Variants in SIK3 observed in about 807,000 individuals in gnomAD.
The protein encoded by SIK3 is serine/threonine-protein kinase SIK3.
Under a neutral mutation model 144.2 loss-of-function variants are expected in SIK3, and 28 were observed. The ratio of observed to expected loss-of-function variants is 0.19; its 90% CI spans 0.14 to 0.27. SIK3 has a LOEUF of 0.27. Ranked by LOEUF, SIK3 falls within the 10% of genes least tolerant of loss-of-function variation. SIK3 has a pLI of 1.00. For synonymous variants in SIK3, 686 were observed against 676.3 expected, an observed-to-expected ratio of 1.01 and a Z score of -0.22; for missense variants, 1,319 against 1,776.0, an observed-to-expected ratio of 0.74 and a Z score of 4.62.
At chr11:116,891,477 A>G (rs1945106843) in intron 6 of SIK3, among the ~76,000 whole-genome samples, 1 of 152,222 alleles carries the variant, frequency 6.6e-6, no homozygotes, top group African/African-American at 2.4e-5. Context: ...GCTTTTGTTC[A>G]TTTGTATCTA....
At chr11:116,862,574 A>G (rs1943406706) in intron 16 of SIK3, among the ~76,000 whole-genome samples, 1 of 152,242 alleles carries the variant, frequency 6.6e-6, no homozygotes, top group African/African-American at 2.4e-5. Flanking sequence ...GTCCAATGTG[A>G]AATCTGTGTA....
rs550430452 is a variant in SIK3, at chr11:117,098,360, C to T, written c.56G>A (p.Gly19Glu). ...AGGAAGAGTG[G>E]AGPAGRLLPP... The stretch of plus-strand genomic sequence containing the variant: ...CAGCAGGCGGCCCGCGGGCCCGGCT[C>T]CCCCAGTCCCGGCCCCGGCAGCCCC... The change falls in exon 1 of 25, where the codon GGA becomes GAA. Residue 19 changes from glycine (G) to glutamate (E), a missense_variant. Gly to Glu is a moderately conservative substitution (Grantham distance 98, BLOSUM62 -2). This residue lies in a region of SIK3 where 114 missense variants were observed against 116.2 expected (regional missense o/e 0.98). Transcript: ENST00000445177. 6.2e-3 allele frequency: 7,187 copies of T among 1,160,736 alleles called. 23 individuals are homozygous for T. Among genetic ancestry groups the T allele is most frequent in the Non-Finnish European group, 6.6e-3 (6,239 of 945,044 alleles). The allele number at this position is 1,160,736 out of a possible 1,614,324, so 71.9% of individuals were successfully genotyped here. A position where few individuals can be genotyped will look rare whatever the true frequency, so the allele number is the denominator to read the frequency against.
At chr11:117,020,718 G>A (rs746215782) in intron 1 of SIK3, among the ~76,000 whole-genome samples, 3 of 152,126 alleles carry the variant, frequency 2.0e-5, no homozygotes, top group South Asian at 2.1e-4. Context: ...CAGCTCTACC[G>A]GGATGGAAGC....
chr11:116,849,317 C>T lies in SIK3; in HGVS notation c.3656-34G>A, dbSNP rs773096807. Reference sequence around the variant, plus strand: ...ACACAGCAGAATAGAGTCAGTGGGGCGGAACTTCTCCCAGCACTGGAAACT... The same window carrying T: ...ACACAGCAGAATAGAGTCAGTGGGGTGGAACTTCTCCCAGCACTGGAAACT... On this transcript the variant is annotated intron_variant, in intron 21 of 24. Transcript: ENST00000445177. This position sits in a 1 kb window ranked among gnomAD's most constrained non-coding sequence, Gnocchi z 4.2. 8.1e-6 allele frequency: 13 copies of T among 1,612,206 alleles called. No individual in the cohort carries two copies. Among genetic ancestry groups the T allele is most frequent in the South Asian group, 4.4e-5 (4 of 90,962 alleles).
At chr11:117,042,789 T>C (rs1221259849) in intron 1 of SIK3, among the ~76,000 whole-genome samples, 2 of 152,316 alleles carry the variant, frequency 1.3e-5, no homozygotes, top group African/African-American at 2.4e-5. Context: ...TGAAGGAAAA[T>C]GTTAAGACTC....
rs770023275 is a variant in SIK3 at position 116,873,923 on chromosome 11, T to C, written c.1561A>G (p.Thr521Ala). 5.6e-6 allele frequency: 9 copies of C among 1,612,790 alleles called. No homozygotes were observed. The highest frequency in any genetic ancestry group is 2.2e-5 in the East Asian group (1 of 44,858). Residue 521 changes from threonine to alanine, a missense_variant, in exon 12 of 25, where the codon ACC (threonine) becomes GCC (alanine). Coordinates refer to ENST00000445177, the MANE Select transcript of SIK3 (RefSeq NM_001366686.3). Reference sequence around the variant, plus strand: ...GGTACCTTGTACTCAAGTTGCCCGGTTGGTTGCAAGTTTTGCATAGGCAAC... The same window carrying C: ...GGTACCTTGTACTCAAGTTGCCCGGCTGGTTGCAAGTTTTGCATAGGCAAC... ...NLLPMQNLQP[T>A]GQLEYKEQSL...
intron 1 of SIK3, among the ~76,000 whole-genome samples, chr11:117,022,803 G>GTTTAAATAT (rs1668104150): frequency 2.0e-5 from 3 of 149,852 alleles, no homozygotes; most frequent in Admixed American, 6.7e-5. Flanking sequence ...TTATCAGATT[G>GTTTAAATAT]TGGAGGGCAA....
chr11:116,954,209 C>A, intron 2 of SIK3, 102 bp from the exon 3 acceptor site: 1 of 844,900 alleles, frequency 1.2e-6, no homozygotes. Flanking sequence ...ATATTAATAA[C>A]CACTATAGAT....
At chr11:116,907,460 A>AAAT (rs1946100436) in intron 4 of SIK3, among the ~76,000 whole-genome samples, 1 of 152,218 alleles carries the variant, frequency 6.6e-6, no homozygotes, top group African/African-American at 2.4e-5. Flanking sequence ...CAGCCTGGCC[A>AAAT]ACACGGCAAA....
intron 4 of SIK3, among the ~76,000 whole-genome samples, chr11:116,902,562 A>G (rs1199388173): frequency 6.6e-6 from 1 of 152,226 alleles, no homozygotes; most frequent in East Asian, 1.9e-4. Flanking sequence ...TGCTTCCACT[A>G]TGTTACATCC....
chr11:117,076,075 C>T (rs1027687729), intron 1 of SIK3, among the ~76,000 whole-genome samples: 1 of 151,854 alleles, frequency 6.6e-6, no homozygotes, highest in Non-Finnish European at 1.5e-5. Context: ...TCTCCAACTC[C>T]TGATCTTAGG....
intron 14 of SIK3, chr11:116,869,666 G>A (rs1943855406): frequency 6.6e-6 from 1 of 152,598 alleles, no homozygotes; most frequent in South Asian, 2.1e-4. Context: ...CTCCCACAAG[G>A]GGGCATGCAT....
At position 116,867,832 on chromosome 11, in the gene SIK3, A is replaced by T. The variant is rs1943729345; in HGVS notation, c.1952+114T>A. 5 of 1,105,034 alleles carry T rather than the reference A, an allele frequency of 4.5e-6. No individual in the cohort carries two copies. The South Asian group carries it at 7.0e-5, about 15-fold the overall frequency. 68.5% of individuals were successfully genotyped at this position (1,105,034 alleles called of 1,614,324 possible). A position where few individuals can be genotyped will look rare whatever the true frequency, so the allele number is the denominator to read the frequency against. ...GCTGAGAAGATGTGAGTTCAGGATG[A>T]CAGCTGGCTTCTATTTAAAGCCACG... On this transcript the variant is annotated intron_variant, in intron 15 of 24. Coordinates refer to ENST00000445177, the MANE Select transcript of SIK3 (RefSeq NM_001366686.3). This position sits in a 1 kb window ranked among gnomAD's most constrained non-coding sequence, Gnocchi z 4.1.
At chr11:117,022,810 G>A (rs183865811) in intron 1 of SIK3, among the ~76,000 whole-genome samples, 13 of 148,280 alleles carry the variant, frequency 8.8e-5, no homozygotes, top group East Asian at 3.9e-4. Flanking sequence ...ATTGTGGAGG[G>A]CAAGGGAGGA....
chr11:117,037,430 A>T (rs1952555989), intron 1 of SIK3, among the ~76,000 whole-genome samples: 1 of 152,198 alleles, frequency 6.6e-6, no homozygotes, highest in African/African-American at 2.4e-5. Context: ...AGAAAGCAAA[A>T]CAAGACTAAT....
chr11:116,870,453 C>A, intron 13 of SIK3, 52 bp from the exon 14 acceptor site: 1 of 1,611,090 alleles, frequency 6.2e-7, no homozygotes, highest in South Asian at 1.1e-5. Context: ...TTCTGTCATG[C>A]CTCTTACTCT....
At chr11:117,044,394 T>A (rs915141544) in intron 1 of SIK3, among the ~76,000 whole-genome samples, 3 of 152,182 alleles carry the variant, frequency 2.0e-5, no homozygotes, top group Admixed American at 2.0e-4. Flanking sequence ...AATTCCTGCT[T>A]AGACAAGATT....
At chr11:117,023,944 G>A (rs913561424) in intron 1 of SIK3, among the ~76,000 whole-genome samples, 1 of 152,082 alleles carries the variant, frequency 6.6e-6, no homozygotes, top group Non-Finnish European at 1.5e-5. Flanking sequence ...CTCCCAAAGT[G>A]CTGGAATTAC....
chr11:116,980,807 A>G (rs1366927993), intron 1 of SIK3, among the ~76,000 whole-genome samples: 1 of 152,052 alleles, frequency 6.6e-6, no homozygotes, highest in Non-Finnish European at 1.5e-5. Flanking sequence ...AGCTGAGATC[A>G]TGCCACTGCA....
Sources: allele counts gnomAD v4.1 joint callset (sites outside exome capture counted in the v4.1 genomes callset), GRCh38; gene constraint gnomAD v4.1.1; regional missense constraint gnomAD v4.1.1; non-coding constraint Gnocchi (gnomAD v3.1); transcripts MANE v1.5; gene names NCBI Gene and HGNC (gene_info 2026-07-23, HGNC 2026-07-21).